Variants in FYN observed in about 807,000 individuals in gnomAD.
FYN encodes the protein FYN proto-oncogene, Src family tyrosine kinase.
In FYN, 10 loss-of-function variants were observed where a neutral mutation model predicts 70.2. The ratio of observed to expected loss-of-function variants is 0.14; its 90% CI spans 0.09 to 0.24. The LOEUF (loss-of-function observed/expected upper bound fraction) is 0.24. Ranked by LOEUF, FYN falls within the 10% of genes least tolerant of loss-of-function variation. The probability of loss-of-function intolerance (pLI) is 1.00; values close to 1 mark genes in which losing one functional copy is unlikely to be tolerated. For synonymous variants in FYN, 236 were observed against 248.6 expected, an observed-to-expected ratio of 0.95 and a Z score of 0.48; for missense variants, 319 against 673.1, an observed-to-expected ratio of 0.47 and a Z score of 5.82.
intron 13 of FYN, among the ~76,000 whole-genome samples, chr6:111,673,852 G>GT (rs1243953192): frequency 6.6e-6 from 1 of 152,112 alleles, no homozygotes; most frequent in Non-Finnish European, 1.5e-5. Flanking sequence ...CAAACTCGTG[G>GT]TTTCTTTGGA....
intron 13 of FYN, among the ~76,000 whole-genome samples, chr6:111,663,057 T>C (rs1488827881): frequency 6.6e-6 from 1 of 152,142 alleles, no homozygotes; most frequent in Non-Finnish European, 1.5e-5. Context: ...TGTCCTGACC[T>C]CCTCCCAACT....
intron 12 of FYN, among the ~76,000 whole-genome samples, chr6:111,692,101 T>C (rs1794785): frequency 0.024 from 3,288 of 136,980 alleles, 138 homozygotes; most frequent in African/African-American, 0.08. Context: ...AAGCTTCATT[T>C]CCCCCCCCCC....
intron 12 of FYN, among the ~76,000 whole-genome samples, chr6:111,688,406 A>G (rs1028767883): frequency 6.6e-6 from 1 of 152,224 alleles, no homozygotes; most frequent in African/African-American, 2.4e-5. Flanking sequence ...AGCCATGCAC[A>G]TTGATGAGAG....
intron 2 of FYN, among the ~76,000 whole-genome samples, chr6:111,815,724 T>C (rs1772467387): frequency 6.6e-6 from 1 of 151,772 alleles, no homozygotes; most frequent in South Asian, 2.1e-4. Flanking sequence ...TTTTTTTTTT[T>C]TTTCTTTTTT....
intron 2 of FYN, among the ~76,000 whole-genome samples, chr6:111,790,599 G>A (rs935358577): frequency 3.9e-5 from 6 of 152,206 alleles, no homozygotes; most frequent in South Asian, 2.1e-4. Flanking sequence ...ATCCACCTGC[G>A]CCTCCCACAT....
At chr6:111,826,674 T>G (rs1213726789) in intron 2 of FYN, among the ~76,000 whole-genome samples, 1 of 152,196 alleles carries the variant, frequency 6.6e-6, no homozygotes, top group Non-Finnish European at 1.5e-5. Context: ...CTTACCACAT[T>G]ATTTTAGTTT....
rs560274160 is a variant in FYN at position 111,774,930 on chromosome 6, G to C, written c.-12+5636C>G. On this transcript the variant is annotated intron_variant, in intron 3 of 13. Coordinates refer to ENST00000354650, the MANE Select transcript of FYN (RefSeq NM_002037.5). ...GATGGGGTTTCGCCATGTTGGCCAG[G>C]CTGGACTCGAACTCCTGACCTCAAG... 3.3e-4 allele frequency among the ~76,000 whole-genome samples: 50 copies of C among 152,222 alleles called. 1 individual carries two copies. The highest frequency in any genetic ancestry group is 1.2e-3 in the African/African-American group (50 of 41,526).
In FYN at chr6:111,704,007, G is replaced by T; in HGVS notation, c.539C>A (p.Thr180Asn). Residue 180 changes from threonine to asparagine, a missense_variant, in exon 7 of 14, where the codon ACC (threonine) becomes AAC (asparagine). Transcript: ENST00000354650. ...TCAACTCGTTATCTTACCTTTGGTG[G>T]TTTCACTCTCGCGGATAAGAAAGGT... is the stretch of plus-strand genomic sequence containing the variant. ...RGTFLIRESE[T>N]TKGAYSLSIR... The T allele has an allele frequency of 6.2e-7, 1 of 1,612,804 alleles. No homozygotes were observed. The highest frequency in any genetic ancestry group is 8.5e-7 in the Non-Finnish European group (1 of 1,178,830).
At position 111,719,879 on chromosome 6, in the gene FYN, C is replaced by T. The variant is rs1163825202; in HGVS notation, c.173G>A (p.Gly58Asp). 21 of 1,613,988 alleles carry T rather than the reference C, an allele frequency of 1.3e-5. No individual in the cohort carries two copies. The highest frequency in any genetic ancestry group is 2.2e-5 in the East Asian group (1 of 44,880). ...ACCTCCAAAGACGGTGAGTCCTTGG[C>T]CCCCGGCTGCGTGGAAGTTGTTGTA... Reference protein sequence around the residue: ...PNYNNFHAAGGQGLTVFGGVN... With the variant: ...PNYNNFHAAGDQGLTVFGGVN... Residue 58 changes from glycine (G) to aspartate (D), a missense_variant, in exon 4 of 14, where the codon GGC becomes GAC. Coordinates refer to ENST00000354650, the MANE Select transcript of FYN (RefSeq NM_002037.5).
chr6:111,740,534 T>C (rs778406964), intron 3 of FYN, among the ~76,000 whole-genome samples: 1 of 152,214 alleles, frequency 6.6e-6, no homozygotes, highest in Non-Finnish European at 1.5e-5. Context: ...ATACCCTCTA[T>C]GACAGTCAGA....
intron 1 of FYN, among the ~76,000 whole-genome samples, chr6:111,872,656 C>CG (rs1437454492): frequency 1.3e-5 from 2 of 151,924 alleles, no homozygotes; most frequent in Non-Finnish European, 2.9e-5. Context: ...AAAAGGAGGG[C>CG]GGGGGCGGAG....
chr6:111,801,098 G>C (rs1239164519), intron 2 of FYN, among the ~76,000 whole-genome samples: 4 of 152,198 alleles, frequency 2.6e-5, no homozygotes, highest in Non-Finnish European at 5.9e-5. Flanking sequence ...GAAGAATGGG[G>C]ATGTGTACAT....
chr6:111,712,262 G>T (rs1200243569), intron 5 of FYN, among the ~76,000 whole-genome samples: 1 of 152,196 alleles, frequency 6.6e-6, no homozygotes, highest in Non-Finnish European at 1.5e-5. Flanking sequence ...TCTTGCAGTT[G>T]AAAGTTTACA....
At chr6:111,823,877 G>A (rs531010147) in intron 2 of FYN, among the ~76,000 whole-genome samples, 19 of 152,182 alleles carry the variant, frequency 1.2e-4, no homozygotes, top group Non-Finnish European at 1.9e-4. Flanking sequence ...AATTTCCTGA[G>A]GAAAGAAGTT....
rs1756879313 is a variant in FYN, at chr6:111,700,156, G to A, written c.810C>T (p.Ser270=). The change falls in exon 9 of 14, where the codon TCC becomes TCT. Residue 270 remains serine (S), a synonymous_variant. Coordinates refer to ENST00000354650, the MANE Select transcript of FYN (RefSeq NM_002037.5). ...TKDVWEIPRE[S]LQLIKRLGNG... is the part of the protein sequence containing the mutation. Reference sequence around the variant, plus strand: ...TTCCCAGTCTCTTGATCAACTGCAGGGATTCTCGAGGGATTTCCCAGACAT... The same window carrying A: ...TTCCCAGTCTCTTGATCAACTGCAGAGATTCTCGAGGGATTTCCCAGACAT... 6.2e-7 allele frequency: 1 copy of A among 1,613,768 alleles called. No homozygotes were observed.
At chr6:111,707,620 C>T (rs989523945) in intron 6 of FYN, among the ~76,000 whole-genome samples, 3 of 152,170 alleles carry the variant, frequency 2.0e-5, no homozygotes, top group Non-Finnish European at 2.9e-5. Context: ...ATAATATATG[C>T]TCTAGCTAGC....
At chr6:111,780,192 A>G (rs1043987373) in intron 3 of FYN, among the ~76,000 whole-genome samples, 4 of 151,942 alleles carry the variant, frequency 2.6e-5, no homozygotes, top group Admixed American at 1.3e-4. Context: ...CTTTTAATAT[A>G]TGGGTCACAC....
chr6:111,859,758 T>C (rs1282462296), intron 1 of FYN, among the ~76,000 whole-genome samples: 1 of 152,170 alleles, frequency 6.6e-6, no homozygotes, highest in Non-Finnish European at 1.5e-5. Context: ...GTGGGTTCAA[T>C]GGTGCCAACC....
chr6:111,746,444 T>A (rs1802221887), intron 3 of FYN, among the ~76,000 whole-genome samples: 1 of 152,242 alleles, frequency 6.6e-6, no homozygotes, highest in Non-Finnish European at 1.5e-5. Flanking sequence ...TTGTGTCTAC[T>A]TATTTTATGT....
Sources: gnomAD v4.1 joint callset for allele counts (sites outside exome capture counted in the v4.1 genomes callset) on GRCh38, gnomAD v4.1.1 for gene constraint, MANE v1.5 for transcripts, NCBI Gene and HGNC (gene_info 2026-07-23, HGNC 2026-07-21) for gene names.